Variants in PCDH15 observed in about 807,000 individuals in gnomAD.
PCDH15 encodes the protein protocadherin-15.
Under a neutral mutation model 178.5 loss-of-function variants are expected in PCDH15, and 129 were observed. The ratio of observed to expected loss-of-function variants is 0.72; its 90% CI spans 0.63 to 0.84. PCDH15 has a LOEUF of 0.84. Ranked by LOEUF, PCDH15 falls within the 40% of genes least tolerant of loss-of-function variation. The pLI, the probability that PCDH15 is intolerant of heterozygous loss-of-function variation, is 0.00. For missense variants in PCDH15, 2,230 were observed against 2,099.9 expected, an observed-to-expected ratio of 1.06 and a Z score of -1.21; for synonymous variants, 800 against 732.0, an observed-to-expected ratio of 1.09 and a Z score of -1.50.
intron 9 of PCDH15, among the ~76,000 whole-genome samples, chr10:54,221,356 G>A (rs879730954): frequency 6.6e-6 from 1 of 152,032 alleles, no homozygotes; most frequent in African/African-American, 2.4e-5. Context: ...CGGGTTTTCT[G>A]TAGGATAAAG....
intron 1 of PCDH15, among the ~76,000 whole-genome samples, chr10:55,180,293 A>G (rs1472184729): frequency 6.6e-6 from 1 of 152,162 alleles, no homozygotes; most frequent in African/African-American, 2.4e-5. Context: ...ACAATTGTAG[A>G]AAGTTTGGGG....
chr10:55,596,596 T>G (rs1842939402), intron 2 of PCDH15, among the ~76,000 whole-genome samples: 1 of 152,108 alleles, frequency 6.6e-6, no homozygotes. Flanking sequence ...CTTTATAATA[T>G]TCAAAGTATT....
chr10:54,717,497 A>G (rs1448815658), intron 1 of PCDH15, among the ~76,000 whole-genome samples: 1 of 146,586 alleles, frequency 6.8e-6, no homozygotes, highest in Non-Finnish European at 1.5e-5. Flanking sequence ...GCAGCCAAAA[A>G]ACGCATGAAA....
At chr10:54,559,874 A>AAAG (rs71010387) in intron 2 of PCDH15, among the ~76,000 whole-genome samples, 2 of 51,372 alleles carry the variant, frequency 3.9e-5, no homozygotes, top group African/African-American at 9.5e-5. Flanking sequence ...AAAAAAAAAA[A>AAAG]GAAAAGAAAA....
At chr10:54,780,018 G>A (rs529099328) in intron 1 of PCDH15, among the ~76,000 whole-genome samples, 1 of 152,114 alleles carries the variant, frequency 6.6e-6, no homozygotes, top group Admixed American at 6.6e-5. Context: ...AAACAGCAGT[G>A]GTAAATTCTA....
At chr10:54,403,323 T>C (rs904029997) in intron 3 of PCDH15, among the ~76,000 whole-genome samples, 26 of 151,810 alleles carry the variant, frequency 1.7e-4, no homozygotes, top group Non-Finnish European at 1.6e-4. Flanking sequence ...AACACAAAAG[T>C]ACAAGGTAAA....
chr10:55,096,648 C>A (rs929878958), intron 2 of PCDH15, among the ~76,000 whole-genome samples: 1 of 152,036 alleles, frequency 6.6e-6, no homozygotes, highest in African/African-American at 2.4e-5. Context: ...TTTCCCCTAC[C>A]ACCCTTCCCT....
chr10:55,457,100 A>G lies in PCDH15; in HGVS notation c.-156+170525T>C, dbSNP rs78826991. Among the ~76,000 whole-genome samples the G allele has an allele frequency of 4.7e-3, 719 of 152,236 alleles. 7 individuals are homozygous for G. Among genetic ancestry groups the G allele is most frequent in the African/African-American group, 0.016 (681 of 41,572 alleles). The stretch of plus-strand genomic sequence containing the variant: ...TGAAAGTACGAAGTCCTAAAACGGC[A>G]TATCACAAATTTCTGTTTCAAAAGG... On this transcript the variant is annotated intron_variant, in intron 2 of 5. Transcript: ENST00000613346.
chr10:54,518,891 G>T (rs2082524993), intron 3 of PCDH15, among the ~76,000 whole-genome samples: 1 of 152,218 alleles, frequency 6.6e-6, no homozygotes, highest in African/African-American at 2.4e-5. Flanking sequence ...TCCCTGGGAT[G>T]CAAGGCTGGT....
chr10:55,557,068 TTTAGCATTCC>T (rs1842104855), intron 2 of PCDH15, among the ~76,000 whole-genome samples: 1 of 152,162 alleles, frequency 6.6e-6, no homozygotes, highest in Admixed American at 6.6e-5. Context: ...AAACACATTC[TTTAGCATTCC>T]TGTTCACAAT....
At chr10:55,295,072 G>T (rs966500776) in intron 1 of PCDH15, among the ~76,000 whole-genome samples, 1 of 152,102 alleles carries the variant, frequency 6.6e-6, no homozygotes, top group Non-Finnish European at 1.5e-5. Context: ...CTTGAAGTCT[G>T]TTTTCTGATA....
Position 55,265,418 on chromosome 10 carries a change from G to C in PCDH15, c.-156+54181C>G, listed in dbSNP as rs61068833. Among the ~76,000 whole-genome samples, 1,202 of 151,758 alleles carry C rather than the reference G, an allele frequency of 7.9e-3. 17 individuals are homozygous for C. Among genetic ancestry groups the C allele is most frequent in the African/African-American group, 0.028 (1,145 of 41,258 alleles). On this transcript the variant is annotated intron_variant, in intron 1 of 5. Coordinates refer to the PCDH15 transcript ENST00000458638. ...CACCCAAATATTTGAAATCTCCTGG[G>C]GAGACGTTATGTCATTTTTGAATCA...
At chr10:53,938,521 T>A (rs1036055691) in intron 25 of PCDH15, among the ~76,000 whole-genome samples, 7 of 152,186 alleles carry the variant, frequency 4.6e-5, no homozygotes, top group African/African-American at 1.7e-4. Flanking sequence ...ATCCAGAGCT[T>A]CACAGTGGGA....
chr10:55,419,602 G>A (rs193162344), intron 2 of PCDH15, among the ~76,000 whole-genome samples: 11 of 151,908 alleles, frequency 7.2e-5, no homozygotes, highest in Admixed American at 1.3e-4. Flanking sequence ...CACAATAGTG[G>A]TTTAAAGACC....
chr10:53,809,873 A>G (rs2075804119), intron 37 of PCDH15, among the ~76,000 whole-genome samples: 1 of 152,190 alleles, frequency 6.6e-6, no homozygotes, highest in African/African-American at 2.4e-5. Flanking sequence ...CTGTCACTAG[A>G]CTTAGGTTAA....
At chr10:54,449,834 G>T (rs2076356836) in intron 3 of PCDH15, among the ~76,000 whole-genome samples, 2 of 151,710 alleles carry the variant, frequency 1.3e-5, no homozygotes, top group Non-Finnish European at 2.9e-5. Flanking sequence ...TCTGTTGGGG[G>T]ATGGGAGGTA....
chr10:54,431,228 C>T (rs189815529), intron 3 of PCDH15, among the ~76,000 whole-genome samples: 354 of 152,022 alleles, frequency 2.3e-3, no homozygotes, highest in Non-Finnish European at 3.3e-3. Flanking sequence ...AAAAATAAAA[C>T]AAGACAGAAT....
intron 29 of PCDH15, among the ~76,000 whole-genome samples, chr10:53,835,979 C>A (rs979294422): frequency 4.6e-5 from 7 of 152,070 alleles, no homozygotes; most frequent in African/African-American, 1.7e-4. Flanking sequence ...TTGTGCAATT[C>A]CCCAGACCTT....
intron 2 of PCDH15, among the ~76,000 whole-genome samples, chr10:55,163,783 C>CCTATA (rs1839122132): frequency 6.6e-6 from 1 of 152,072 alleles, no homozygotes; most frequent in Non-Finnish European, 1.5e-5. Flanking sequence ...TGGAAGTTGC[C>CCTATA]CTATATGGTC....
Sources: allele counts gnomAD v4.1 joint callset (sites outside exome capture counted in the v4.1 genomes callset), GRCh38; gene constraint gnomAD v4.1.1; transcripts MANE v1.5; gene names NCBI Gene and HGNC (gene_info 2026-07-23, HGNC 2026-07-21).